Variants in KCTD16 observed in about 807,000 individuals in gnomAD.
KCTD16 encodes potassium channel tetramerization domain containing 16.
A neutral mutation model predicts 33.2 loss-of-function variants in KCTD16; 13 were observed. The observed-to-expected ratio is 0.39, with a 90% CI of 0.25 to 0.62. KCTD16 has a LOEUF of 0.62. KCTD16 is among the 20% of genes least tolerant of loss of function. The probability of loss-of-function intolerance (pLI) is 0.50; values close to 1 mark genes in which losing one functional copy is unlikely to be tolerated. For synonymous variants in KCTD16, 197 were observed against 195.3 expected, an observed-to-expected ratio of 1.01 and a Z score of -0.07; for missense variants, 441 against 525.1, an observed-to-expected ratio of 0.84 and a Z score of 1.57.
chr5:144,172,087 T>C (rs1462615027), intron 1 of KCTD16, among the ~76,000 whole-genome samples: 1 of 151,952 alleles, frequency 6.6e-6, no homozygotes, highest in Non-Finnish European at 1.5e-5. Context: ...AACAATAAAA[T>C]TTCACTTAAA....
intron 3 of KCTD16, among the ~76,000 whole-genome samples, chr5:144,379,478 G>A (rs1241726636): frequency 6.6e-6 from 1 of 152,114 alleles, no homozygotes; most frequent in Non-Finnish European, 1.5e-5. Flanking sequence ...GAGGGTTTGG[G>A]AGTTACTTTT....
At chr5:144,219,823 C>T (rs768683090) in intron 3 of KCTD16, among the ~76,000 whole-genome samples, 1 of 152,054 alleles carries the variant, frequency 6.6e-6, no homozygotes, top group Non-Finnish European at 1.5e-5. Flanking sequence ...CGCGCCTGGC[C>T]TCTCCCAGCT....
chr5:144,225,100 G>T (rs899709169), intron 3 of KCTD16, among the ~76,000 whole-genome samples: 1 of 152,102 alleles, frequency 6.6e-6, no homozygotes, highest in Non-Finnish European at 1.5e-5. Flanking sequence ...ATACCAGATG[G>T]CAATGCTATC....
At chr5:144,300,487 G>A (rs1228168067) in intron 3 of KCTD16, among the ~76,000 whole-genome samples, 2 of 152,186 alleles carry the variant, frequency 1.3e-5, no homozygotes, top group Non-Finnish European at 2.9e-5. Flanking sequence ...GTAGTAGAAA[G>A]TATCTTGTAG....
At chr5:144,261,184 A>AG (rs1755001506) in intron 3 of KCTD16, among the ~76,000 whole-genome samples, 1 of 141,738 alleles carries the variant, frequency 7.1e-6, no homozygotes, top group South Asian at 2.1e-4. Flanking sequence ...AAAAAAAAAA[A>AG]GAAAAAAAAA....
intron 3 of KCTD16, among the ~76,000 whole-genome samples, chr5:144,348,158 CA>C (rs1752854622): frequency 6.6e-6 from 1 of 152,190 alleles, no homozygotes; most frequent in South Asian, 2.1e-4. Context: ...TGTGTCCTCT[CA>C]TTTGTTCTGC....
At chr5:144,260,802 T>C (rs549267386) in intron 3 of KCTD16, among the ~76,000 whole-genome samples, 7 of 152,276 alleles carry the variant, frequency 4.6e-5, no homozygotes, top group African/African-American at 1.7e-4. Flanking sequence ...GTTTTAGCAA[T>C]TAATGTCTTA....
intron 2 of KCTD16, among the ~76,000 whole-genome samples, chr5:144,188,855 T>G (rs1752783016): frequency 1.3e-5 from 2 of 152,192 alleles, no homozygotes; most frequent in African/African-American, 4.8e-5. Flanking sequence ...GAATCAATAC[T>G]GAGTGAACAG....
chr5:144,222,495 A>C (rs1753789711), intron 3 of KCTD16, among the ~76,000 whole-genome samples: 1 of 152,224 alleles, frequency 6.6e-6, no homozygotes, highest in Non-Finnish European at 1.5e-5. Flanking sequence ...GTAGACATAC[A>C]CTTCTCAAAA....
intron 3 of KCTD16, among the ~76,000 whole-genome samples, chr5:144,471,762 A>G (rs2127001156): frequency 6.6e-6 from 1 of 152,320 alleles, no homozygotes; most frequent in South Asian, 2.1e-4. Flanking sequence ...CATAACTAGA[A>G]CAATACAGCT....
intron 3 of KCTD16, among the ~76,000 whole-genome samples, chr5:144,469,463 A>G (rs1237728851): frequency 6.6e-6 from 1 of 152,226 alleles, no homozygotes; most frequent in East Asian, 1.9e-4. Flanking sequence ...CATTATAATT[A>G]TATAGCAAGC....
At chr5:144,414,781 T>C (rs1376241170) in intron 3 of KCTD16, among the ~76,000 whole-genome samples, 2 of 152,146 alleles carry the variant, frequency 1.3e-5, no homozygotes, top group Non-Finnish European at 2.9e-5. Flanking sequence ...TAGTTGAAGT[T>C]ACTCTTTCCC....
chr5:144,219,712 G>T (rs111498718), intron 3 of KCTD16, among the ~76,000 whole-genome samples: 1 of 151,600 alleles, frequency 6.6e-6, no homozygotes, highest in Admixed American at 6.6e-5. Flanking sequence ...TAGAGATGGG[G>T]TTTCACCATG....
chr5:144,294,388 A>G (rs1389377652), intron 3 of KCTD16, among the ~76,000 whole-genome samples: 2 of 152,186 alleles, frequency 1.3e-5, no homozygotes, highest in Non-Finnish European at 2.9e-5. Flanking sequence ...CTTTTTAACT[A>G]GATGTCTAAG....
intron 3 of KCTD16, among the ~76,000 whole-genome samples, chr5:144,261,335 A>G (rs1229449852): frequency 6.6e-6 from 1 of 152,156 alleles, no homozygotes; most frequent in African/African-American, 2.4e-5. Flanking sequence ...AAAACACTAG[A>G]TTTACTGAAA....
At chr5:144,327,030 A>G (rs893222234) in intron 3 of KCTD16, among the ~76,000 whole-genome samples, 1 of 152,180 alleles carries the variant, frequency 6.6e-6, no homozygotes, top group Non-Finnish European at 1.5e-5. Context: ...TGCGGGAACT[A>G]AACGATCCAT....
chr5:144,305,510 C>G (rs1751578925), intron 3 of KCTD16, among the ~76,000 whole-genome samples: 1 of 152,028 alleles, frequency 6.6e-6, no homozygotes, highest in African/African-American at 2.4e-5. Context: ...AGGAAAAGAC[C>G]TCATGAGGAT....
At chr5:144,328,776 T>C (rs1218389447) in intron 3 of KCTD16, among the ~76,000 whole-genome samples, 1 of 152,070 alleles carries the variant, frequency 6.6e-6, no homozygotes, top group African/African-American at 2.4e-5. Flanking sequence ...GCCTGCTTTA[T>C]GGAATCATTC....
intron 3 of KCTD16, among the ~76,000 whole-genome samples, chr5:144,293,519 C>G (rs1421726344): frequency 1.3e-5 from 2 of 152,168 alleles, no homozygotes; most frequent in African/African-American, 4.8e-5. Flanking sequence ...ATTACTCTCT[C>G]TGACCATATC....
Sources: allele counts gnomAD v4.1 joint callset (sites outside exome capture counted in the v4.1 genomes callset), GRCh38; gene constraint gnomAD v4.1.1; transcripts MANE v1.5; gene names NCBI Gene and HGNC (gene_info 2026-07-23, HGNC 2026-07-21).